CADPS2: variants seen among roughly 807,000 people sequenced by gnomAD.
CADPS2 encodes the protein calcium dependent secretion activator 2.
Under a neutral mutation model 172.5 loss-of-function variants are expected in CADPS2, and 93 were observed. The observed-to-expected ratio is 0.54, with a 90% confidence interval of 0.46 to 0.64. The LOEUF is 0.64. CADPS2 is among the 30% of genes least tolerant of loss of function. The probability of loss-of-function intolerance (pLI) is 0.00; values close to 1 mark genes in which losing one functional copy is unlikely to be tolerated. For missense variants in CADPS2, 1,420 were observed against 1,565.9 expected (o/e 0.91, Z 1.57); for synonymous variants, 546 against 555.2 (o/e 0.98, Z 0.23).
At chr7:122,549,273 A>G (rs1235292255) in intron 8 of CADPS2, among the ~76,000 whole-genome samples, 1 of 152,108 alleles carries the variant, frequency 6.6e-6, no homozygotes, top group African/African-American at 2.4e-5. Flanking sequence ...TGATAAACCT[A>G]AACAGCTAAC....
intron 17 of CADPS2, among the ~76,000 whole-genome samples, chr7:122,431,701 A>C (rs1235667871): frequency 2.0e-5 from 3 of 152,146 alleles, no homozygotes; most frequent in African/African-American, 7.2e-5. Flanking sequence ...TTTATTGCAA[A>C]GTATTGTCTT....
Position 122,663,382 on chromosome 7 carries a change from T to A in CADPS2, c.641A>T (p.Glu214Val). The change falls in exon 3 of 30, where the codon GAA becomes GTA. Residue 214 changes from glutamate (E) to valine (V), a missense_variant. Physicochemically the swap from Glu to Val is moderately radical, Grantham distance 121. Coordinates refer to ENST00000449022, the MANE Select transcript of CADPS2 (RefSeq NM_017954.11). ...ATTTGGCTGTTTGCACAAGTCCTCTTCACCTCTGTAAATGGCATCATATTT... is the reference window on the plus strand; with the variant it reads ...ATTTGGCTGTTTGCACAAGTCCTCTACACCTCTGTAAATGGCATCATATTT... ...IAKYDAIYRG[E>V]EDLCKQPNRM... 1 of 1,613,982 alleles carries A rather than the reference T, an allele frequency of 6.2e-7. No homozygotes were observed. The highest frequency in any genetic ancestry group is 8.5e-7 in the Non-Finnish European group (1 of 1,179,886).
At chr7:122,653,074 T>G (rs1316164430) in intron 3 of CADPS2, among the ~76,000 whole-genome samples, 3 of 152,162 alleles carry the variant, frequency 2.0e-5, no homozygotes, top group Non-Finnish European at 4.4e-5. Context: ...GCCATCGATG[T>G]CATGTGGCAG....
At chr7:122,734,507 A>G (rs560523370) in intron 2 of CADPS2, among the ~76,000 whole-genome samples, 12 of 151,606 alleles carry the variant, frequency 7.9e-5, no homozygotes, top group Non-Finnish European at 1.8e-4. Flanking sequence ...GTAGGTAATA[A>G]TACTTGCACT....
At chr7:122,690,677 T>C (rs1670134235) in intron 2 of CADPS2, among the ~76,000 whole-genome samples, 1 of 151,934 alleles carries the variant, frequency 6.6e-6, no homozygotes, top group African/African-American at 2.4e-5. Context: ...CCTATGTGGG[T>C]TGGTGACTAG....
At chr7:122,575,868 A>T (rs1423191863) in intron 7 of CADPS2, among the ~76,000 whole-genome samples, 1 of 152,184 alleles carries the variant, frequency 6.6e-6, no homozygotes, top group Non-Finnish European at 1.5e-5. Flanking sequence ...ACTTACAGAA[A>T]AGTTGCAAAG....
chr7:122,750,233 T>C (rs1479912960), intron 1 of CADPS2, among the ~76,000 whole-genome samples: 1 of 152,144 alleles, frequency 6.6e-6, no homozygotes, highest in Non-Finnish European at 1.5e-5. Flanking sequence ...AATACAGAAT[T>C]CTCATTTACA....
At chr7:122,705,981 A>AATATAAT (rs1450514297) in intron 2 of CADPS2, among the ~76,000 whole-genome samples, 2 of 60,960 alleles carry the variant, frequency 3.3e-5, no homozygotes, top group African/African-American at 1.5e-4. Flanking sequence ...TATAATATAT[A>AATATAAT]ATATTATATA....
chr7:122,635,889 T>C (rs755148120), intron 3 of CADPS2, among the ~76,000 whole-genome samples: 5 of 151,810 alleles, frequency 3.3e-5, no homozygotes, highest in Admixed American at 2.6e-4. Flanking sequence ...GTTATTGGTT[T>C]CAAATCTATT....
At chr7:122,807,396 T>C (rs1799016629) in intron 1 of CADPS2, among the ~76,000 whole-genome samples, 1 of 152,178 alleles carries the variant, frequency 6.6e-6, no homozygotes, top group South Asian at 2.1e-4. Context: ...AAGTTGCCTA[T>C]AATCTGGAGA....
chr7:122,466,932 G>C (rs1586327170), intron 14 of CADPS2, among the ~76,000 whole-genome samples: 1 of 151,956 alleles, frequency 6.6e-6, no homozygotes, highest in Non-Finnish European at 1.5e-5. Flanking sequence ...CTTTTTCTCT[G>C]GTTTTGTCTG....
At chr7:122,598,519 A>C (rs1475269911) in intron 6 of CADPS2, among the ~76,000 whole-genome samples, 1 of 152,118 alleles carries the variant, frequency 6.6e-6, no homozygotes, top group Non-Finnish European at 1.5e-5. Context: ...AGTGATTCGT[A>C]CAATGTCACT....
chr7:122,393,389 A>C (rs2044646905), intron 21 of CADPS2, 52 bp downstream of exon 21: 8 of 1,612,972 alleles, frequency 5.0e-6, no homozygotes, highest in Non-Finnish European at 6.8e-6. Flanking sequence ...TGAAGTCATA[A>C]GGTCAGGGTT....
chr7:122,660,521 A>G lies in CADPS2; in HGVS notation c.786+2716T>C, dbSNP rs2080406421. ...TGGTAAAAGCTACAAAGATTTTAAA[A>G]TTTAATCCAACTACATTAGTAATCA... On this transcript the variant is annotated intron_variant, in intron 3 of 29. Coordinates refer to ENST00000449022, the MANE Select transcript of CADPS2 (RefSeq NM_017954.11). Among the ~76,000 whole-genome samples, 3 of 152,110 alleles carry G rather than the reference A, an allele frequency of 2.0e-5. No individual in the cohort carries two copies. The South Asian group carries it at 6.2e-4, about 32-fold the overall frequency.
intron 1 of CADPS2, among the ~76,000 whole-genome samples, chr7:122,860,763 C>T (rs934575752): frequency 3.3e-5 from 5 of 152,072 alleles, no homozygotes; most frequent in African/African-American, 1.2e-4. Flanking sequence ...CCCTTGGTAA[C>T]CACTATTATA....
chr7:122,417,105 G>A (rs76178932), intron 17 of CADPS2, among the ~76,000 whole-genome samples: 1 of 152,048 alleles, frequency 6.6e-6, no homozygotes, highest in African/African-American at 2.4e-5. Flanking sequence ...TCCTACAATA[G>A]TTTTCCCTTG....
At chr7:122,848,009 G>T (rs1812491490) in intron 1 of CADPS2, among the ~76,000 whole-genome samples, 1 of 152,216 alleles carries the variant, frequency 6.6e-6, no homozygotes, top group Admixed American at 6.5e-5. Flanking sequence ...ATGGTGATTT[G>T]CCAGGACAGA....
intron 25 of CADPS2, among the ~76,000 whole-genome samples, chr7:122,377,899 C>G (rs577124909): frequency 1.4e-3 from 206 of 151,986 alleles, no homozygotes; most frequent in African/African-American, 4.7e-3. Context: ...GTTTTCCACT[C>G]TAAGACATGC....
At chr7:122,780,649 G>A (rs1422281314) in intron 1 of CADPS2, among the ~76,000 whole-genome samples, 1 of 152,004 alleles carries the variant, frequency 6.6e-6, no homozygotes, top group Non-Finnish European at 1.5e-5. Flanking sequence ...GACTACATGT[G>A]TGTGTCTCCA....
Sources: allele counts gnomAD v4.1 joint callset (sites outside exome capture counted in the v4.1 genomes callset), GRCh38; gene constraint gnomAD v4.1.1; transcripts MANE v1.5; gene names NCBI Gene and HGNC (gene_info 2026-07-23, HGNC 2026-07-21).